Variants in NALF1 observed in about 807,000 individuals in gnomAD.
NALF1 encodes family with sequence similarity 155 member A.
Under a neutral mutation model 48.4 loss-of-function variants are expected in NALF1, and 3 were observed. The observed-to-expected ratio is 0.06, with a 90% CI of 0.03 to 0.16. NALF1 has a LOEUF of 0.16. Ranked by LOEUF, NALF1 falls within the 10% of genes least tolerant of loss-of-function variation. NALF1 has a pLI of 1.00. For missense variants in NALF1, 526 were observed against 571.5 expected, an observed-to-expected ratio of 0.92 and a Z score of 0.81; for synonymous variants, 262 against 245.7, an observed-to-expected ratio of 1.07 and a Z score of -0.62.
intron 1 of NALF1, among the ~76,000 whole-genome samples, chr13:107,782,755 G>T (rs553287376): frequency 8.9e-4 from 132 of 148,436 alleles, no homozygotes; most frequent in South Asian, 4.7e-3. Flanking sequence ...ACCCCGTCTG[G>T]GAGGTGAGGA....
intron 1 of NALF1, among the ~76,000 whole-genome samples, chr13:107,648,393 T>C (rs1204968022): frequency 6.6e-6 from 1 of 152,196 alleles, no homozygotes; most frequent in Non-Finnish European, 1.5e-5. Flanking sequence ...CTCTCTATAC[T>C]GCTGCCTTTT....
rs547252254 is a variant in NALF1 at position 107,639,977 on chromosome 13, C to A, written c.915+225705G>T. On this transcript the variant is annotated intron_variant, in intron 1 of 2. Transcript: ENST00000375915. ...TCTTATATTACAGCTGTTTTGAATT[C>A]GTCTTTATAATCAAACATCATCCAG... is the stretch of plus-strand genomic sequence containing the variant. Among the ~76,000 whole-genome samples the A allele has an allele frequency of 6.6e-5, 10 of 152,082 alleles. No individual in the cohort carries two copies. The South Asian group carries it at 1.0e-3, about 16-fold the overall frequency.
At chr13:107,308,232 C>T (rs555533655) in intron 1 of NALF1, among the ~76,000 whole-genome samples, 1 of 127,184 alleles carries the variant, frequency 7.9e-6, no homozygotes, top group South Asian at 2.7e-4. Flanking sequence ...GACAGAGTCT[C>T]ACTCTGTCGC....
At chr13:107,459,869 G>A (rs1319516708) in intron 1 of NALF1, among the ~76,000 whole-genome samples, 1 of 152,134 alleles carries the variant, frequency 6.6e-6, no homozygotes, top group Non-Finnish European at 1.5e-5. Context: ...AGCTTCCCAA[G>A]TAGCTGGGAC....
chr13:107,515,476 C>T (rs1254710860), intron 1 of NALF1, among the ~76,000 whole-genome samples: 6 of 152,084 alleles, frequency 3.9e-5, no homozygotes, highest in Admixed American at 3.9e-4. Context: ...CCATATATAA[C>T]AGGAAAGGAA....
intron 1 of NALF1, among the ~76,000 whole-genome samples, chr13:107,695,821 T>C (rs1325655013): frequency 6.6e-6 from 1 of 152,140 alleles, no homozygotes; most frequent in Non-Finnish European, 1.5e-5. Context: ...GCACACTGCC[T>C]GGTTCAATCA....
chr13:107,453,767 G>A (rs1412042014), intron 1 of NALF1, among the ~76,000 whole-genome samples: 1 of 152,092 alleles, frequency 6.6e-6, no homozygotes, highest in East Asian at 1.9e-4. Flanking sequence ...TTTATGTTCT[G>A]CTCCCCTGTT....
intron 1 of NALF1, among the ~76,000 whole-genome samples, chr13:107,343,042 A>G (rs1329663376): frequency 6.6e-6 from 1 of 152,234 alleles, no homozygotes; most frequent in Non-Finnish European, 1.5e-5. Context: ...ACAGACATGT[A>G]TAAAACACTC....
chr13:107,399,992 G>C (rs529815284), intron 1 of NALF1, among the ~76,000 whole-genome samples: 1 of 151,934 alleles, frequency 6.6e-6, no homozygotes, highest in Non-Finnish European at 1.5e-5. Flanking sequence ...AATCAGACAA[G>C]ACTATGGTGT....
intron 1 of NALF1, among the ~76,000 whole-genome samples, chr13:107,825,108 C>G (rs1190433813): frequency 6.6e-6 from 1 of 152,112 alleles, no homozygotes; most frequent in African/African-American, 2.4e-5. Context: ...AAATAAAACA[C>G]AGTTATCAGT....
At chr13:107,281,958 C>T (rs893680591) in intron 1 of NALF1, among the ~76,000 whole-genome samples, 2 of 152,152 alleles carry the variant, frequency 1.3e-5, no homozygotes, top group Non-Finnish European at 2.9e-5. Context: ...TCCTTTAAAA[C>T]GTGGGGAATA....
chr13:107,473,650 G>A (rs993614696), intron 1 of NALF1, among the ~76,000 whole-genome samples: 9 of 152,186 alleles, frequency 5.9e-5, no homozygotes, highest in African/African-American at 1.9e-4. Context: ...CCAAAAGATA[G>A]TAGTAGAATT....
intron 1 of NALF1, among the ~76,000 whole-genome samples, chr13:107,783,041 G>T (rs1341102089): frequency 2.1e-5 from 3 of 144,444 alleles, no homozygotes; most frequent in African/African-American, 7.9e-5. Flanking sequence ...CGCCCGGCCA[G>T]CCGCCCCGAC....
At chr13:107,325,087 T>C (rs1882326466) in intron 1 of NALF1, among the ~76,000 whole-genome samples, 1 of 152,224 alleles carries the variant, frequency 6.6e-6, no homozygotes, top group African/African-American at 2.4e-5. Flanking sequence ...CATCAGTGGC[T>C]TCTCTAAAAA....
At chr13:107,618,555 T>C (rs1181102038) in intron 1 of NALF1, among the ~76,000 whole-genome samples, 1 of 152,180 alleles carries the variant, frequency 6.6e-6, no homozygotes, top group Admixed American at 6.5e-5. Flanking sequence ...TTGAAAGCTT[T>C]TGCAGCTCTC....
At chr13:107,827,094 AAC>A (rs1879542941) in intron 1 of NALF1, among the ~76,000 whole-genome samples, 1 of 152,226 alleles carries the variant, frequency 6.6e-6, no homozygotes, top group Non-Finnish European at 1.5e-5. Flanking sequence ...CTGTATGCTG[AAC>A]ACAGTCTCTT....
chr13:107,650,937 G>A (rs921765583), intron 1 of NALF1, among the ~76,000 whole-genome samples: 1 of 151,766 alleles, frequency 6.6e-6, no homozygotes, highest in African/African-American at 2.4e-5. Context: ...GGGAGGGTGG[G>A]AGGAGGGAGA....
intron 1 of NALF1, among the ~76,000 whole-genome samples, chr13:107,341,632 T>C (rs1254628460): frequency 2.6e-5 from 4 of 151,396 alleles, no homozygotes; most frequent in Non-Finnish European, 5.9e-5. Flanking sequence ...ATATATTATA[T>C]ATATACACTT....
At chr13:107,718,627 A>G (rs1192571743) in intron 1 of NALF1, among the ~76,000 whole-genome samples, 1 of 152,176 alleles carries the variant, frequency 6.6e-6, no homozygotes, top group African/African-American at 2.4e-5. Context: ...GAAACTGGTG[A>G]ATAGCTGCCC....
Sources: gnomAD v4.1 joint callset for allele counts (sites outside exome capture counted in the v4.1 genomes callset) on GRCh38, gnomAD v4.1.1 for gene constraint, MANE v1.5 for transcripts, NCBI Gene and HGNC (gene_info 2026-07-23, HGNC 2026-07-21) for gene names.